RTKN2: variants seen among roughly 807,000 people sequenced by gnomAD.
The protein encoded by RTKN2 is rhotekin 2.
A neutral mutation model predicts 71.5 loss-of-function variants in RTKN2; 69 were observed. The ratio of observed to expected loss-of-function variants is 0.96; its 90% CI spans 0.79 to 1.18. The LOEUF (loss-of-function observed/expected upper bound fraction) is 1.18, where lower values mean the gene tolerates loss of function less well. Ranked by LOEUF, RTKN2 falls within the 50% of genes most tolerant of loss-of-function variation. The pLI is 0.00. For synonymous variants in RTKN2, 236 were observed against 236.5 expected (o/e 1.00, Z 0.02); for missense variants, 724 against 719.7 (o/e 1.01, Z -0.07).
chr10:62,238,732 T>C (rs1477169816), intron 5 of RTKN2: 1 of 151,968 alleles, frequency 6.6e-6, no homozygotes, highest in Non-Finnish European at 1.5e-5. Flanking sequence ...ACTATTACTA[T>C]GAGACACTGG....
intron 9 of RTKN2, among the ~76,000 whole-genome samples, chr10:62,209,613 C>T (rs533033703): frequency 1.4e-4 from 22 of 152,242 alleles, no homozygotes; most frequent in African/African-American, 5.1e-4. Flanking sequence ...TCCCTCTTCC[C>T]ACCCTCCACA....
At chr10:62,204,001 A>G (rs538379085) in intron 10 of RTKN2, among the ~76,000 whole-genome samples, 4 of 152,310 alleles carry the variant, frequency 2.6e-5, no homozygotes, top group Non-Finnish European at 4.4e-5. Context: ...GCTCCAGAAA[A>G]CAGAATTCCT....
chr10:62,218,751 C>T (rs962333989), intron 7 of RTKN2, among the ~76,000 whole-genome samples: 1 of 152,076 alleles, frequency 6.6e-6, no homozygotes, highest in Non-Finnish European at 1.5e-5. Context: ...TTTGCGAGGC[C>T]GAGGCAGGCG....
downstream of RTKN2, among the ~76,000 whole-genome samples, chr10:62,189,158 G>A (rs1164276100): frequency 2.0e-5 from 3 of 151,078 alleles, no homozygotes; most frequent in Non-Finnish European, 2.9e-5. Context: ...AATGCTTTGG[G>A]CTAGATAATT....
intron 6 of RTKN2, among the ~76,000 whole-genome samples, chr10:62,232,315 CTTTTT>C (rs56139482): frequency 6.8e-5 from 8 of 117,192 alleles, no homozygotes; most frequent in Non-Finnish European, 1.3e-4. Flanking sequence ...TTCTTTCTTT[CTTTTT>C]TTTTTTTTTT....
Position 62,238,699 on chromosome 10 carries a change from T to C in RTKN2, c.488+949A>G, listed in dbSNP as rs530351072. On this transcript the variant is annotated intron_variant, in intron 5 of 11. Transcript: ENST00000373789. ...AATTACTACTTATAACTCAGAACAA[T>C]GCATTTTATTTTTCCAGGCTATACT... 3.9e-5 allele frequency: 6 copies of C among 152,106 alleles called. No individual in the cohort carries two copies. In the South Asian group the frequency reaches 1.2e-3, roughly 31 times the overall value. The allele number at this position is 152,106 out of a possible 1,614,324, so 9.4% of individuals were successfully genotyped here.
At chr10:62,190,945 C>T (rs1320452742), downstream of RTKN2, among the ~76,000 whole-genome samples, 1 of 152,090 alleles carries the variant, frequency 6.6e-6, no homozygotes, top group African/African-American at 2.4e-5. Context: ...CAGCCAACTG[C>T]CTTATCCATT....
intron 2 of RTKN2, among the ~76,000 whole-genome samples, chr10:62,257,161 G>A (rs1297687582): frequency 6.6e-6 from 1 of 152,174 alleles, no homozygotes; most frequent in Non-Finnish European, 1.5e-5. Flanking sequence ...CCTCAGCTAT[G>A]AGTTGCCTCT....
chr10:62,241,325 G>A, intron 3 of RTKN2, 130 bp from the exon 4 acceptor site: 2 of 562,300 alleles, frequency 3.6e-6, no homozygotes, highest in Non-Finnish European at 6.3e-6. Flanking sequence ...TTATTTAACA[G>A]CACATTTTCT....
At chr10:62,235,544 A>G (rs943492177) in intron 6 of RTKN2, among the ~76,000 whole-genome samples, 2 of 152,100 alleles carry the variant, frequency 1.3e-5, no homozygotes, top group Non-Finnish European at 2.9e-5. Context: ...TGACACCACA[A>G]GTGGAAAATT....
intron 1 of RTKN2, 88 bp downstream of exon 1, chr10:62,268,463 C>G (rs1564535794): frequency 1.6e-6 from 2 of 1,234,134 alleles, no homozygotes; most frequent in Non-Finnish European, 2.3e-6. Flanking sequence ...GGGGGAGAGG[C>G]TTTCCCGACT....
intron 6 of RTKN2, among the ~76,000 whole-genome samples, chr10:62,232,631 G>C (rs997193247): frequency 6.6e-6 from 1 of 151,650 alleles, no homozygotes; most frequent in South Asian, 2.1e-4. Flanking sequence ...TCATTTAAAT[G>C]ACCTCCTATA....
At chr10:62,191,394 C>G (rs1841220888), downstream of RTKN2, among the ~76,000 whole-genome samples, 1 of 152,184 alleles carries the variant, frequency 6.6e-6, no homozygotes, top group Admixed American at 6.5e-5. Flanking sequence ...ATCTGCCTGC[C>G]TTGGCTTCCC....
chr10:62,260,071 T>C (rs1842746054), intron 2 of RTKN2, among the ~76,000 whole-genome samples: 1 of 152,230 alleles, frequency 6.6e-6, no homozygotes, highest in African/African-American at 2.4e-5. Flanking sequence ...GGTAGACTAG[T>C]GTTCTCATTA....
rs60545843 is a variant in RTKN2, at chr10:62,218,841, C to T, written c.782-540G>A. On this transcript the variant is annotated intron_variant, in intron 7 of 11. Transcript: ENST00000373789. ...TCTCTACTAAAAATACAAAAATTAG[C>T]TGGGCATGGTGGTGCATGCTTGTAG... Among the ~76,000 whole-genome samples the T allele has an allele frequency of 4.8e-3, 735 of 151,556 alleles. 22 individuals carry two copies. Among genetic ancestry groups the T allele is most frequent in the Admixed American group, 0.038 (575 of 15,220 alleles).
chr10:62,241,255 G>A (rs1422400403), intron 3 of RTKN2, 60 bp from the exon 4 acceptor site: 1 of 991,988 alleles, frequency 1.0e-6, no homozygotes, highest in Non-Finnish European at 1.6e-6. Context: ...ATTCTTTACA[G>A]TGACCTGAAC....
chr10:62,198,871 T>A (rs1466970275), intron 11 of RTKN2, among the ~76,000 whole-genome samples: 1 of 152,146 alleles, frequency 6.6e-6, no homozygotes, highest in Non-Finnish European at 1.5e-5. Context: ...TTTCCTTTTT[T>A]ACAAAAGCTA....
chr10:62,263,951 T>C (rs1253767726), intron 1 of RTKN2, among the ~76,000 whole-genome samples: 1 of 152,050 alleles, frequency 6.6e-6, no homozygotes, highest in African/African-American at 2.4e-5. Flanking sequence ...AGTTCTGATT[T>C]AATTCACAAT....
rs1233900503 is a variant in RTKN2, at chr10:62,194,283, T to C, written c.*3625A>G. On this transcript the variant is annotated 3_prime_UTR_variant, in exon 12 of 12. Transcript: ENST00000373789. ...CTAAGAACATCTATGATCCAGAATA[T>C]GCAGATTTCATTTAACTATTAATAG... 5.1e-6 allele frequency: 5 copies of C among 984,074 alleles called. No individual in the cohort carries two copies. Among genetic ancestry groups the C allele is most frequent in the East Asian group, 2.3e-4 (2 of 8,814 alleles). The allele number at this position is 984,074 out of a possible 1,614,324, so 61.0% of individuals were successfully genotyped here.
Sources: allele counts gnomAD v4.1 joint callset (sites outside exome capture counted in the v4.1 genomes callset), GRCh38; gene constraint gnomAD v4.1.1; transcripts MANE v1.5; gene names NCBI Gene and HGNC (gene_info 2026-07-23, HGNC 2026-07-21).